Variants in ALG8 observed in about 807,000 individuals in gnomAD.
ALG8 encodes the protein dolichyl pyrophosphate Glc1Man9GlcNAc2 alpha-1,3-glucosyltransferase.
Under a neutral mutation model 70.2 loss-of-function variants are expected in ALG8, and 48 were observed. The observed-to-expected ratio is 0.68, with a 90% CI of 0.54 to 0.87. The LOEUF is 0.87. Among genes scored for constraint, ALG8 ranks in the 40% least tolerant of loss-of-function variants. The probability of loss-of-function intolerance (pLI) is 0.00; values close to 1 mark genes in which losing one functional copy is unlikely to be tolerated. For missense variants in ALG8, 572 were observed against 608.7 expected (o/e 0.94, Z 0.64); for synonymous variants, 234 against 229.0 (o/e 1.02, Z -0.20).
intron 4 of ALG8, among the ~76,000 whole-genome samples, chr11:78,119,724 C>A (rs968711206): frequency 6.6e-6 from 1 of 152,174 alleles, no homozygotes; most frequent in Non-Finnish European, 1.5e-5. Flanking sequence ...CCACTGCACC[C>A]GGCCTAAACA....
At chr11:78,104,173 T>C (rs542008365) in intron 11 of ALG8, 121 bp from the exon 12 acceptor site, 56 of 931,066 alleles carry the variant, frequency 6.0e-5, no homozygotes, top group Non-Finnish European at 8.0e-5. Context: ...TTAAGTTTAA[T>C]TTTACATTTT....
chr11:78,124,120 A>G lies in ALG8; in HGVS notation c.269T>C (p.Leu90Pro), dbSNP rs762716385. The G allele has an allele frequency of 6.2e-7, 1 of 1,614,200 alleles. No homozygotes were observed. Among genetic ancestry groups the G allele is most frequent in the East Asian group, 2.2e-5 (1 of 44,882 alleles). Residue 90 changes from leucine (L) to proline (P), a missense_variant, in exon 3 of 13, where the codon CTG (leucine) becomes CCG (proline). By Grantham distance (98) the Leu-to-Pro change is moderately conservative. Coordinates refer to ENST00000299626, the MANE Select transcript of ALG8 (RefSeq NM_024079.5). ...GGAGTAATTCAAATTATGGACATTC[A>G]GCATTTCTTGATCAAAATATTTGGC... The part of the protein sequence containing the change: ...HVAKYFDQEM[L>P]NVHNLNYSSS...
At chr11:78,104,170 T>A in intron 11 of ALG8, 118 bp from the exon 12 acceptor site, 1 of 931,666 alleles carries the variant, frequency 1.1e-6, no homozygotes, top group Non-Finnish European at 1.6e-6. Flanking sequence ...TTTTTAAGTT[T>A]AATTTTACAT....
chr11:78,109,530 GT>G lies in ALG8; in HGVS notation c.949del (p.Thr317GlnfsTer16). ...TTGGAACTGCTGAACCAAACCACTT[GT>G]CATTGAGGCCTTGGGAATATTGTTG... Reference protein sequence around the residue: ...DPNNIPKASMTSGLVQQFQHT... With the variant: ...DPNNIPKASMXSGLVQQFQHT... On this transcript the variant is annotated frameshift_variant, in exon 9 of 13. Coordinates refer to ENST00000299626, the MANE Select transcript of ALG8 (RefSeq NM_024079.5). LOFTEE classifies it high-confidence loss of function. The G allele has an allele frequency of 6.2e-7, 1 of 1,614,102 alleles. No homozygotes were observed. Among genetic ancestry groups the G allele is most frequent in the Non-Finnish European group, 8.5e-7 (1 of 1,179,962 alleles).
intron 3 of ALG8, among the ~76,000 whole-genome samples, chr11:78,123,469 T>A (rs981126340): frequency 3.9e-5 from 6 of 152,036 alleles, no homozygotes; most frequent in African/African-American, 1.4e-4. Flanking sequence ...TTGTAAAACA[T>A]AAAAATTTAA....
chr11:78,101,706 A>G (rs1859804265), intron 12 of ALG8, among the ~76,000 whole-genome samples: 2 of 152,186 alleles, frequency 1.3e-5, no homozygotes, highest in Admixed American at 6.5e-5. Flanking sequence ...ATCTAAATTT[A>G]CTCCACCATT....
intron 3 of ALG8, among the ~76,000 whole-genome samples, chr11:78,121,393 C>T (rs1199974519): frequency 6.6e-6 from 1 of 151,308 alleles, no homozygotes; most frequent in Non-Finnish European, 1.5e-5. Flanking sequence ...AATCCTCCTG[C>T]CCTGGCACCC....
intron 2 of ALG8, among the ~76,000 whole-genome samples, chr11:78,125,611 C>CAA (rs113215261): frequency 1.7e-4 from 20 of 117,116 alleles, no homozygotes; most frequent in African/African-American, 4.2e-4. Context: ...ACTAAAAATA[C>CAA]AAAAAAAAAA....
Position 78,112,713 on chromosome 11 carries a change from C to T in ALG8, c.835G>A (p.Ala279Thr). The part of the protein sequence containing the change: ...LFPFKRGLCH[A>T]YWAPNFWALY... Reference sequence around the variant, plus strand: ...GCCCAGAAGTTTGGAGCCCAATATGCATGACAGAGGCCCCTCTTGAAAGGA... The same window carrying T: ...GCCCAGAAGTTTGGAGCCCAATATGTATGACAGAGGCCCCTCTTGAAAGGA... Residue 279 changes from alanine (A) to threonine (T), a missense_variant, in exon 8 of 13, where the codon GCA (alanine) becomes ACA (threonine). By Grantham distance (58) the Ala-to-Thr change is moderately conservative. Transcript: ENST00000299626. 6.2e-7 allele frequency: 1 copy of T among 1,614,026 alleles called. No homozygotes were observed.
intron 1 of ALG8, among the ~76,000 whole-genome samples, chr11:78,132,650 TAC>T (rs1861353310): frequency 6.6e-6 from 1 of 151,314 alleles, no homozygotes; most frequent in Middle Eastern, 3.4e-3. Flanking sequence ...CCTATATTTA[TAC>T]AGTGTGCTCT....
At chr11:78,119,651 G>A (rs1395509378) in intron 4 of ALG8, among the ~76,000 whole-genome samples, 1 of 151,980 alleles carries the variant, frequency 6.6e-6, no homozygotes, top group African/African-American at 2.4e-5. Context: ...GGCTGGTTTC[G>A]AACTCCTGAC....
Position 78,106,890 on chromosome 11 carries a change from A to T in ALG8, c.1095T>A (p.Cys365Ter), listed in dbSNP as rs748678669. 1 of 1,614,162 alleles carries T rather than the reference A, an allele frequency of 6.2e-7. No individual in the cohort carries two copies. The highest frequency in any genetic ancestry group is 8.5e-7 in the Non-Finnish European group (1 of 1,180,002). ...AGGAGCTCAAGGCACAAAGAGTTAG[A>T]CATCGGAGAAAGCCTCTGGGCCCTT... The part of the protein sequence containing the change: ...KPQGPRGFLR[C>*]LTLCALSSFM... Residue 365 changes from cysteine (C) to a stop codon, truncating the protein, a stop_gained, in exon 10 of 13, where the codon TGT (cysteine) becomes TGA (stop). Coordinates refer to ENST00000299626, the MANE Select transcript of ALG8 (RefSeq NM_024079.5). LOFTEE classifies it high-confidence loss of function.
intron 3 of ALG8, among the ~76,000 whole-genome samples, chr11:78,122,456 C>T (rs1860863297): frequency 6.6e-6 from 1 of 151,794 alleles, no homozygotes; most frequent in Admixed American, 6.6e-5. Context: ...GATCCTCTGC[C>T]TCAGGCTCCC....
intron 1 of ALG8, among the ~76,000 whole-genome samples, chr11:78,129,012 G>GTTA (rs1565361252): frequency 2.0e-5 from 3 of 151,872 alleles, no homozygotes; most frequent in Non-Finnish European, 4.4e-5. Context: ...ATTTCCTACA[G>GTTA]ATATTTCAAA....
intron 3 of ALG8, among the ~76,000 whole-genome samples, chr11:78,123,663 T>C (rs1462156133): frequency 6.6e-6 from 1 of 151,990 alleles, no homozygotes; most frequent in African/African-American, 2.4e-5. Flanking sequence ...TACCCTAAGA[T>C]AGGGTAGGTG....
intron 1 of ALG8, among the ~76,000 whole-genome samples, chr11:78,128,497 T>C (rs368899616): frequency 2.0e-5 from 3 of 152,210 alleles, no homozygotes; most frequent in East Asian, 3.8e-4. Flanking sequence ...GACATGTTGA[T>C]ATTCCCCTAG....
At chr11:78,134,465 CA>C (rs1419961132) in intron 1 of ALG8, among the ~76,000 whole-genome samples, 1 of 152,176 alleles carries the variant, frequency 6.6e-6, no homozygotes, top group Non-Finnish European at 1.5e-5. Context: ...TAAAATAAAA[CA>C]ACAATGAAGC....
chr11:78,138,436 T>C (rs745401192), intron 1 of ALG8, among the ~76,000 whole-genome samples: 6 of 152,010 alleles, frequency 3.9e-5, no homozygotes, highest in Non-Finnish European at 8.8e-5. Context: ...AATAATCTTA[T>C]GCACAGACCT....
At chr11:78,129,833 A>G (rs1861228050) in intron 1 of ALG8, among the ~76,000 whole-genome samples, 1 of 151,862 alleles carries the variant, frequency 6.6e-6, no homozygotes, top group African/African-American at 2.4e-5. Flanking sequence ...TGTGACCCTC[A>G]ATTATTTTTA....
Sources: allele counts gnomAD v4.1 joint callset (sites outside exome capture counted in the v4.1 genomes callset), GRCh38; gene constraint gnomAD v4.1.1; transcripts MANE v1.5; gene names NCBI Gene and HGNC (gene_info 2026-07-23, HGNC 2026-07-21).